Variants in DPYSL2 observed in about 807,000 individuals in gnomAD.
DPYSL2 encodes dihydropyrimidinase like 2, also known as dihydropyrimidinase-related protein 2.
In DPYSL2, 13 loss-of-function variants were observed where a neutral mutation model predicts 69.9. That is an observed-to-expected ratio of 0.19 (90% CI 0.12 to 0.30). The LOEUF (loss-of-function observed/expected upper bound fraction) is 0.30. Ranked by LOEUF, DPYSL2 falls within the 10% of genes least tolerant of loss-of-function variation. The pLI is 1.00. For missense variants in DPYSL2, 587 were observed against 918.9 expected (o/e 0.64, Z 4.67); for synonymous variants, 326 against 359.1 (o/e 0.91, Z 1.04).
chr8:26,547,648 G>C (rs905189292), intron 1 of DPYSL2: 2 of 161,082 alleles, frequency 1.2e-5, no homozygotes, highest in Non-Finnish European at 2.8e-5. Flanking sequence ...CAGAGAGATG[G>C]GGACTTTAAT....
rs1802930942 is a variant in DPYSL2 at position 26,636,861 on chromosome 8, C to G, written c.1126+1961C>G. ...ACTCAAGCGATTCTCCCGCCTCAGC[C>G]TCCTTAGTTGCTGGGATTACAGGCG... is the stretch of plus-strand genomic sequence containing the variant. On this transcript the variant is annotated intron_variant, in intron 8 of 13. Coordinates refer to ENST00000521913, the MANE Select transcript of DPYSL2 (RefSeq NM_001197293.3). Among the ~76,000 whole-genome samples the G allele has an allele frequency of 3.3e-5, 5 of 152,328 alleles. No homozygotes were observed. The South Asian group carries it at 1.0e-3, about 32-fold the overall frequency.
At chr8:26,623,945 A>G (rs1349790552) in intron 3 of DPYSL2, 198 bp from the exon 4 acceptor site, 2 of 594,090 alleles carry the variant, frequency 3.4e-6, no homozygotes, top group African/African-American at 1.9e-5. Context: ...ACATCATCCA[A>G]TGCCAAGTTT....
intron 1 of DPYSL2, among the ~76,000 whole-genome samples, chr8:26,522,898 A>G (rs1298974666): frequency 6.6e-6 from 1 of 152,098 alleles, no homozygotes; most frequent in African/African-American, 2.4e-5. Flanking sequence ...GTATTATACT[A>G]TCCCCGGCTG....
At chr8:26,634,029 C>T (rs1802842955) in intron 7 of DPYSL2, among the ~76,000 whole-genome samples, 1 of 152,202 alleles carries the variant, frequency 6.6e-6, no homozygotes, top group Non-Finnish European at 1.5e-5. Flanking sequence ...GACTCAAGAC[C>T]CTGGGAGCAG....
At chr8:26,579,682 T>C (rs1472147469) in intron 1 of DPYSL2, among the ~76,000 whole-genome samples, 2 of 152,134 alleles carry the variant, frequency 1.3e-5, no homozygotes, top group Admixed American at 6.5e-5. Context: ...TAGGATGATC[T>C]GAAGAAGGGC....
chr8:26,559,749 A>C (rs973406506), intron 1 of DPYSL2, among the ~76,000 whole-genome samples: 3 of 152,170 alleles, frequency 2.0e-5, no homozygotes, highest in African/African-American at 7.2e-5. Flanking sequence ...AAGACATTTA[A>C]ATTTTCTATA....
Position 26,579,747 on chromosome 8 carries a change from G to A in DPYSL2, c.355-2222G>A, listed in dbSNP as rs141492989. On this transcript the variant is annotated intron_variant, in intron 1 of 13. Coordinates refer to ENST00000521913, the MANE Select transcript of DPYSL2 (RefSeq NM_001197293.3). ...AAGATCCCAAAGGGCCGGGCACGGG[G>A]CACCCACCCTTGTGTGTTCACTGTG... 7.3e-3 allele frequency among the ~76,000 whole-genome samples: 1,113 copies of A among 152,280 alleles called. 29 individuals carry two copies. The East Asian group carries it at 0.082, about 11-fold the overall frequency.
rs1207382344 is a variant in DPYSL2 at position 26,627,317 on chromosome 8, C to A, written c.936+22C>A. 2.5e-6 allele frequency: 4 copies of A among 1,612,522 alleles called. No individual in the cohort carries two copies. Among genetic ancestry groups the A allele is most frequent in the Non-Finnish European group, 3.4e-6 (4 of 1,178,622 alleles). ...AGAGGTACAGGGCTTTCTTTTTCGT[C>A]ATTTCTTCATCACCTGGAGGGTGAG... is the stretch of plus-strand genomic sequence containing the variant. On this transcript the variant is annotated intron_variant, in intron 6 of 13. Transcript: ENST00000521913. The surrounding 1 kb of genome is among the most constrained non-coding windows in gnomAD (Gnocchi z 6.9).
At chr8:26,578,606 C>G in intron 1 of DPYSL2, 2 of 1,249,052 alleles carry the variant, frequency 1.6e-6, no homozygotes, top group South Asian at 1.9e-5. Flanking sequence ...GGGGTGCAAG[C>G]AAATGGATGC....
At chr8:26,577,183 A>G in intron 1 of DPYSL2, 1 of 445,022 alleles carries the variant, frequency 2.2e-6, no homozygotes, top group South Asian at 1.6e-5. Flanking sequence ...CGGCGCCTCC[A>G]CGCGGGCCAG....
rs1803332475 is a variant in DPYSL2, at chr8:26,654,044, G to A, written c.1942+647G>A. Among the ~76,000 whole-genome samples, 1 of 152,158 alleles carries A rather than the reference G, an allele frequency of 6.6e-6. No individual in the cohort carries two copies. Among genetic ancestry groups the A allele is most frequent in the Admixed American group, 6.5e-5 (1 of 15,284 alleles). ...TTCAGGACTTCTCTTCTCTCCTACA[G>A]TATATTGTAGTTTAGCTTGTGGAGT... is the stretch of plus-strand genomic sequence containing the variant. On this transcript the variant is annotated intron_variant, in intron 13 of 13. Coordinates refer to ENST00000521913, the MANE Select transcript of DPYSL2 (RefSeq NM_001197293.3). The surrounding 1 kb of genome is among the most constrained non-coding windows in gnomAD (Gnocchi z 5.0).
chr8:26,514,143 G>A lies in DPYSL2; in HGVS notation c.-183G>A, dbSNP rs1015800646. 4.4e-6 allele frequency: 2 copies of A among 455,392 alleles called. No individual in the cohort carries two copies. The highest frequency in any genetic ancestry group is 4.4e-5 in the Admixed American group (1 of 22,628). 28.2% of individuals were successfully genotyped at this position (455,392 alleles called of 1,614,324 possible). ...GGCAGGGAGGGGAGAAGCGGGGTCA[G>A]GGGGAGGGACCGGGAGGGTGGGTCG... On this transcript the variant is annotated 5_prime_UTR_variant, in exon 1 of 14. Coordinates refer to ENST00000521913, the MANE Select transcript of DPYSL2 (RefSeq NM_001197293.3). The surrounding 1 kb of genome is among the most constrained non-coding windows in gnomAD (Gnocchi z 8.4).
intron 7 of DPYSL2, among the ~76,000 whole-genome samples, chr8:26,633,093 A>C (rs1802816810): frequency 1.3e-5 from 2 of 152,264 alleles, no homozygotes; most frequent in African/African-American, 4.8e-5. Flanking sequence ...GAAAAATAAC[A>C]GTGTTCTGTG....
chr8:26,637,214 G>A (rs1325784649), intron 8 of DPYSL2, among the ~76,000 whole-genome samples: 2 of 152,196 alleles, frequency 1.3e-5, no homozygotes, highest in East Asian at 3.8e-4. Context: ...ATCTGTGAAA[G>A]CCTGAGCTTT....
chr8:26,594,038 G>A (rs1379742936), intron 3 of DPYSL2, among the ~76,000 whole-genome samples: 1 of 152,140 alleles, frequency 6.6e-6, no homozygotes, highest in Non-Finnish European at 1.5e-5. Context: ...TTCAGAGGAT[G>A]GGATTGTAAG....
At chr8:26,570,366 A>G (rs2129688390) in intron 1 of DPYSL2, among the ~76,000 whole-genome samples, 1 of 152,306 alleles carries the variant, frequency 6.6e-6, no homozygotes, top group Non-Finnish European at 1.5e-5. Flanking sequence ...GAAGGAGTAA[A>G]GAAAGACAGC....
Position 26,583,059 on chromosome 8 carries a change from C to T in DPYSL2, c.444-740C>T, listed in dbSNP as rs567979004. ...CTGGTCTGGTAGAATGACACTGGCC[C>T]AGAAGTGTGCAGGCCTGTGTGCTGT... On this transcript the variant is annotated intron_variant, in intron 2 of 13. Transcript: ENST00000521913. 3.9e-5 allele frequency among the ~76,000 whole-genome samples: 6 copies of T among 152,250 alleles called. No individual in the cohort carries two copies. The South Asian group carries it at 1.0e-3, about 26-fold the overall frequency.
chr8:26,551,647 C>T (rs1322710328), intron 1 of DPYSL2, among the ~76,000 whole-genome samples: 2 of 152,140 alleles, frequency 1.3e-5, no homozygotes, highest in Non-Finnish European at 2.9e-5. Flanking sequence ...CTCAAGCTTA[C>T]ATGGGACATG....
intron 1 of DPYSL2, among the ~76,000 whole-genome samples, chr8:26,574,596 A>G (rs1801296679): frequency 6.6e-6 from 1 of 152,186 alleles, no homozygotes; most frequent in Non-Finnish European, 1.5e-5. Flanking sequence ...GCAATTTTAC[A>G]TTGCTTTCTC....
Sources: allele counts gnomAD v4.1 joint callset (sites outside exome capture counted in the v4.1 genomes callset), GRCh38; gene constraint gnomAD v4.1.1; non-coding constraint Gnocchi (gnomAD v3.1); transcripts MANE v1.5; gene names NCBI Gene and HGNC (gene_info 2026-07-23, HGNC 2026-07-21).